MBOAT7: variants seen among roughly 807,000 people sequenced by gnomAD.
MBOAT7 encodes the protein membrane bound acylglycerophosphatidylinositol O-acyltransferase MBOAT7.
A neutral mutation model predicts 47.4 loss-of-function variants in MBOAT7; 40 were observed. The ratio of observed to expected loss-of-function variants is 0.84; its 90% confidence interval spans 0.66 to 1.10. The LOEUF is 1.10. MBOAT7 is among the 50% of genes least tolerant of loss of function. The probability of loss-of-function intolerance (pLI) is 0.00; values close to 1 mark genes in which losing one functional copy is unlikely to be tolerated. For missense variants in MBOAT7, 680 were observed against 655.6 expected, an observed-to-expected ratio of 1.04 and a Z score of -0.41; for synonymous variants, 361 against 292.0, an observed-to-expected ratio of 1.24 and a Z score of -2.41.
chr19:54,188,352 G>A lies in MBOAT7; in HGVS notation c.77-6C>T. On this transcript the variant is annotated splice_region_variant and splice_polypyrimidine_tract_variant and intron_variant, in intron 2 of 7. Coordinates refer to ENST00000245615, the MANE Select transcript of MBOAT7 (RefSeq NM_024298.5). ...CCATCTCTTCAGCCCAGGACCTGCA[G>A]GGGGAAGGGACAGCATAAGCCTGGA... The A allele has an allele frequency of 2.5e-6, 4 of 1,613,288 alleles. No individual in the cohort carries two copies. The highest frequency in any genetic ancestry group is 2.5e-6 in the Non-Finnish European group (3 of 1,179,586).
At chr19:54,184,820 C>T (rs990225890) in intron 4 of MBOAT7, among the ~76,000 whole-genome samples, 2 of 150,298 alleles carry the variant, frequency 1.3e-5, no homozygotes, top group African/African-American at 4.9e-5. Flanking sequence ...AGGAGAATCG[C>T]TTGAACCTGG....
chr19:54,181,466 G>T (rs1019845976), intron 5 of MBOAT7, among the ~76,000 whole-genome samples: 1 of 151,446 alleles, frequency 6.6e-6, no homozygotes, highest in Admixed American at 6.6e-5. Context: ...CAGCAGCCTG[G>T]GCAAAACGGC....
chr19:54,186,755 A>C (rs1413367824), intron 4 of MBOAT7, among the ~76,000 whole-genome samples: 1 of 152,158 alleles, frequency 6.6e-6, no homozygotes, highest in Non-Finnish European at 1.5e-5. Flanking sequence ...CCCTCTTCCC[A>C]GGTGATTAGG....
In MBOAT7 at chr19:54,188,522, G is replaced by A. The variant is rs753106667; in HGVS notation, c.-3-11C>T. ...TTCAGGCGACATGGTCTGGGGGAGG[G>A]GCAGAGATTCACAGTGAGAACCCAG... is the stretch of plus-strand genomic sequence containing the variant. On this transcript the variant is annotated splice_polypyrimidine_tract_variant and intron_variant, in intron 1 of 7. Coordinates refer to ENST00000245615, the MANE Select transcript of MBOAT7 (RefSeq NM_024298.5). 1.9e-6 allele frequency: 3 copies of A among 1,551,234 alleles called. No individual in the cohort carries two copies. The highest frequency in any genetic ancestry group is 2.6e-6 in the Non-Finnish European group (3 of 1,146,702).
chr19:54,187,090 G>A (rs1171827457), intron 4 of MBOAT7, 71 bp downstream of exon 4: 11 of 1,493,674 alleles, frequency 7.4e-6, no homozygotes, highest in Non-Finnish European at 9.8e-6. Context: ...AGCCACTGAA[G>A]GGGGAGGTAA....
chr19:54,176,704 A>C (rs765591230), intron 7 of MBOAT7, among the ~76,000 whole-genome samples: 2 of 152,060 alleles, frequency 1.3e-5, no homozygotes, highest in Non-Finnish European at 2.9e-5. Flanking sequence ...GTTGAGAAGC[A>C]CTTGTCTAAA....
intron 3 of MBOAT7, 50 bp downstream of exon 3, chr19:54,188,167 G>T (rs915553513): frequency 1.3e-6 from 2 of 1,531,544 alleles, no homozygotes; most frequent in Non-Finnish European, 1.8e-6. Flanking sequence ...GAAACAGGTT[G>T]CTTCCCCCTC....
rs868738531 is a variant in MBOAT7 at position 54,180,854 on chromosome 19, G to A, written c.773C>T (p.Ala258Val). Residue 258 changes from alanine (A) to valine (V), a missense_variant, in exon 6 of 8, where the codon GCC becomes GTC. Transcript: ENST00000245615. The surrounding 1 kb of genome is among the most constrained non-coding windows in gnomAD (Gnocchi z 5.2). ...AWIAAECGCI[A>V]AGFGAYPVAA... ...CACGGGGTAGGCCCCAAAGCCGGCG[G>A]CAATGCAGCCGCACTCGGCGGCAAT... The A allele has an allele frequency of 6.3e-7, 1 of 1,583,012 alleles. No homozygotes were observed. Among genetic ancestry groups the A allele is most frequent in the Non-Finnish European group, 8.6e-7 (1 of 1,167,276 alleles).
chr19:54,183,563 C>T lies in MBOAT7; in HGVS notation c.451G>A (p.Glu151Lys). The T allele has an allele frequency of 6.2e-7, 1 of 1,608,692 alleles. No individual in the cohort carries two copies. Among genetic ancestry groups the T allele is most frequent in the Non-Finnish European group, 8.5e-7 (1 of 1,177,800 alleles). The part of the protein sequence containing the change: ...GLLPDVPSLM[E>K]TLSYSYCYVG... ...TAGCAGTAGCTGTAGCTGAGTGTCTCCATCAGGGAGGGCACGTCGGGCAGC... is the reference window on the plus strand; with the variant it reads ...TAGCAGTAGCTGTAGCTGAGTGTCTTCATCAGGGAGGGCACGTCGGGCAGC... The change falls in exon 5 of 8, where the codon GAG becomes AAG. Residue 151 changes from glutamate to lysine, a missense_variant. Coordinates refer to ENST00000245615, the MANE Select transcript of MBOAT7 (RefSeq NM_024298.5).
chr19:54,177,477 A>C (rs1009720252), intron 7 of MBOAT7, among the ~76,000 whole-genome samples: 3 of 151,608 alleles, frequency 2.0e-5, no homozygotes, highest in Admixed American at 1.3e-4. Context: ...TTGTATTTTT[A>C]GTAGAGACAG....
intron 7 of MBOAT7, among the ~76,000 whole-genome samples, chr19:54,176,059 G>A (rs562817397): frequency 4.3e-4 from 66 of 152,236 alleles, no homozygotes; most frequent in Non-Finnish European, 7.2e-4. Flanking sequence ...GTTTCACCAC[G>A]TTGGCCAGGA....
intron 5 of MBOAT7, among the ~76,000 whole-genome samples, chr19:54,181,450 G>C (rs924293797): frequency 2.6e-5 from 4 of 151,778 alleles, no homozygotes; most frequent in Non-Finnish European, 5.9e-5. Flanking sequence ...GAGCCCAACA[G>C]TTGGACAGCA....
Position 54,187,220 on chromosome 19 carries a change from G to C in MBOAT7, c.274C>G (p.Leu92Val), listed in dbSNP as rs1196099051. The C allele has an allele frequency of 6.2e-7, 1 of 1,605,410 alleles. No individual in the cohort carries two copies. The highest frequency in any genetic ancestry group is 8.5e-7 in the Non-Finnish European group (1 of 1,176,760). The change falls in exon 4 of 8, where the codon CTG (leucine) becomes GTG (valine). Residue 92 changes from leucine (L) to valine (V), a missense_variant. Leu to Val is a conservative substitution (Grantham distance 32). Coordinates refer to ENST00000245615, the MANE Select transcript of MBOAT7 (RefSeq NM_024298.5). ...YLLFFRALSL[L>V]GLPTPTPFTN... is the part of the protein sequence containing the mutation. ...AAGGGCGTGGGAGTGGGCAGGCCCA[G>C]GAGGCTGAGGGCTCGGAAGAACAGG...
chr19:54,178,795 T>C lies in MBOAT7; in HGVS notation c.1001A>G (p.Lys334Arg). The change falls in exon 7 of 8, where the codon AAG (lysine) becomes AGG (arginine). Residue 334 changes from lysine (K) to arginine (R), a missense_variant. By Grantham distance (26) the Lys-to-Arg change is conservative. Coordinates refer to ENST00000245615, the MANE Select transcript of MBOAT7 (RefSeq NM_024298.5). ...GACATAGGAACGGGCAGGTGCGCTC[T>C]TGTAGATATACTGCGCCAGCCACCA... ...VQWWLAQYIY[K>R]SAPARSYVLR... 1.9e-6 allele frequency: 3 copies of C among 1,613,438 alleles called. No homozygotes were observed. Among genetic ancestry groups the C allele is most frequent in the Non-Finnish European group, 2.5e-6 (3 of 1,180,016 alleles).
chr19:54,181,114 G>A lies in MBOAT7; in HGVS notation c.513C>T (p.Arg171=). Residue 171 remains arginine (R), a synonymous_variant, in exon 6 of 8, where the codon CGC becomes CGT. Coordinates refer to ENST00000245615, the MANE Select transcript of MBOAT7 (RefSeq NM_024298.5). ...GCTGCTCCAGCCAGTCCAGGTAGGTGCGGTAGCGGAAGAACGGGCCTGTGG... is the reference window on the plus strand; with the variant it reads ...GCTGCTCCAGCCAGTCCAGGTAGGTACGGTAGCGGAAGAACGGGCCTGTGG... The part of the protein sequence containing the change: ...GIMTGPFFRY[R]TYLDWLEQPF... The A allele has an allele frequency of 6.7e-7, 1 of 1,486,818 alleles. No homozygotes were observed. The highest frequency in any genetic ancestry group is 8.9e-7 in the Non-Finnish European group (1 of 1,118,060). The allele number at this position is 1,486,818 out of a possible 1,614,324, so 92.1% of individuals were successfully genotyped here. A position where few individuals can be genotyped will look rare whatever the true frequency, so the allele number is the denominator to read the frequency against.
chr19:54,186,642 A>C (rs2076434778), intron 4 of MBOAT7, among the ~76,000 whole-genome samples: 1 of 152,150 alleles, frequency 6.6e-6, no homozygotes, highest in African/African-American at 2.4e-5. Flanking sequence ...AATGCTGGGA[A>C]GGCCACTCCC....
chr19:54,183,375 G>A (rs966786070), intron 5 of MBOAT7, 146 bp downstream of exon 5: 49 of 912,388 alleles, frequency 5.4e-5, no homozygotes, highest in East Asian at 3.6e-4. Flanking sequence ...GGTGTGAGAC[G>A]TAGACCCAGA....
In MBOAT7 at chr19:54,174,923, C is replaced by G. The variant is rs2076044084; in HGVS notation, c.1032-492G>C. Among the ~76,000 whole-genome samples, 3 of 152,134 alleles carry G rather than the reference C, an allele frequency of 2.0e-5. No individual in the cohort carries two copies. In the South Asian group the frequency reaches 6.2e-4, roughly 32 times the overall value. On this transcript the variant is annotated intron_variant, in intron 7 of 7. Coordinates refer to ENST00000245615, the MANE Select transcript of MBOAT7 (RefSeq NM_024298.5). ...CTTTAAAGATTTAACATTTTATATT[C>G]CACTGCCCTTCCTCTCCCAGGACCA...
Position 54,180,382 on chromosome 19 carries a change from A to C in MBOAT7, c.854+391T>G. 1.2e-5 allele frequency: 2 copies of C among 169,748 alleles called. No homozygotes were observed. The highest frequency in any genetic ancestry group is 1.3e-5 in the Non-Finnish European group (1 of 79,940). 10.5% of individuals were successfully genotyped at this position (169,748 alleles called of 1,614,324 possible). ...AATAGTGGCGTTCTGTTGCTAGGGA[A>C]CCGTTTCCCTAGCAACAGAGGGTGA... On this transcript the variant is annotated intron_variant, in intron 6 of 7. Coordinates refer to ENST00000245615, the MANE Select transcript of MBOAT7 (RefSeq NM_024298.5). The surrounding 1 kb of genome is among the most constrained non-coding windows in gnomAD (Gnocchi z 5.2).
Sources: allele counts gnomAD v4.1 joint callset (sites outside exome capture counted in the v4.1 genomes callset), GRCh38; gene constraint gnomAD v4.1.1; non-coding constraint Gnocchi (gnomAD v3.1); transcripts MANE v1.5; gene names NCBI Gene and HGNC (gene_info 2026-07-23, HGNC 2026-07-21).